CSMD3: variants seen among roughly 807,000 people sequenced by gnomAD.
CSMD3 encodes CUB and Sushi multiple domains 3, also known as CUB and sushi domain-containing protein 3.
CSMD3 carries 177 observed loss-of-function variants against 435.2 expected under a neutral mutation model. The observed-to-expected ratio is 0.41, with a 90% CI of 0.36 to 0.46. CSMD3 has a LOEUF of 0.46. Among genes scored for constraint, CSMD3 ranks in the 20% least tolerant of loss-of-function variants. The pLI is 0.34. For missense variants in CSMD3, 4,265 were observed against 4,504.6 expected (o/e 0.95, Z 1.52); for synonymous variants, 1,656 against 1,520.5 (o/e 1.09, Z -2.07).
At chr8:113,013,340 A>C (rs1454601160) in intron 6 of CSMD3, among the ~76,000 whole-genome samples, 2 of 152,060 alleles carry the variant, frequency 1.3e-5, no homozygotes, top group Non-Finnish European at 2.9e-5. Context: ...ACAATATTTA[A>C]ACTATTCATT....
rs138410355 is a variant in CSMD3, at chr8:112,585,510, A to G, written c.3885+1556T>C. ...CTTCTCAAGGTAGCACATATCAGAA[A>G]TGCATGTGGCTTTACTCCAAATAAG... On this transcript the variant is annotated intron_variant, in intron 23 of 70. Coordinates refer to ENST00000297405, the MANE Select transcript of CSMD3 (RefSeq NM_198123.2). Among the ~76,000 whole-genome samples the G allele has an allele frequency of 6.5e-3, 982 of 151,696 alleles. 9 individuals are homozygous for G. Among genetic ancestry groups the G allele is most frequent in the African/African-American group, 0.021 (887 of 41,500 alleles).
At chr8:112,589,239 T>C (rs1830975385) in intron 22 of CSMD3, among the ~76,000 whole-genome samples, 1 of 152,134 alleles carries the variant, frequency 6.6e-6, no homozygotes, top group South Asian at 2.1e-4. Flanking sequence ...AGCTATTACC[T>C]ACCCTTCTCT....
At chr8:113,083,396 G>A (rs1484043324) in intron 5 of CSMD3, among the ~76,000 whole-genome samples, 2 of 151,910 alleles carry the variant, frequency 1.3e-5, no homozygotes, top group East Asian at 3.9e-4. Context: ...GCAAAGCTAG[G>A]TAGCTTAAGT....
At chr8:112,245,512 A>C (rs991710717) in intron 64 of CSMD3, among the ~76,000 whole-genome samples, 2 of 152,072 alleles carry the variant, frequency 1.3e-5, no homozygotes, top group South Asian at 4.1e-4. Flanking sequence ...CGTGTGCTAA[A>C]CATTGTGTTA....
intron 2 of CSMD3, among the ~76,000 whole-genome samples, chr8:113,292,643 C>T (rs1473278561): frequency 6.6e-6 from 1 of 151,692 alleles, no homozygotes; most frequent in Non-Finnish European, 1.5e-5. Flanking sequence ...GTGAATGAGA[C>T]AAAAATGTAA....
chr8:112,807,741 T>A (rs1563980760), intron 12 of CSMD3, among the ~76,000 whole-genome samples: 1 of 152,180 alleles, frequency 6.6e-6, no homozygotes. Context: ...ACTATTTTGC[T>A]GACAGAGCTG....
chr8:113,024,252 T>C (rs1170197329), intron 5 of CSMD3, among the ~76,000 whole-genome samples: 1 of 152,148 alleles, frequency 6.6e-6, no homozygotes, highest in East Asian at 1.9e-4. Flanking sequence ...ACAAAATTTG[T>C]TTCTTTCTTA....
chr8:112,719,381 C>T (rs1261475142), intron 13 of CSMD3, among the ~76,000 whole-genome samples: 1 of 152,060 alleles, frequency 6.6e-6, no homozygotes, highest in Non-Finnish European at 1.5e-5. Context: ...ACCAAAATAC[C>T]CAGTGGCTTA....
chr8:112,350,917 T>G (rs987793653), intron 40 of CSMD3, among the ~76,000 whole-genome samples: 1 of 151,994 alleles, frequency 6.6e-6, no homozygotes, highest in East Asian at 1.9e-4. Context: ...TTTTCTTAAT[T>G]TCTACAGCTT....
chr8:113,153,937 C>A lies in CSMD3; in HGVS notation c.709+19785G>T, dbSNP rs560288119. ...TGGTATGAGAAGAAAAAAAACCCAT[C>A]CAGTGCATGAGTCAGTTATCACACT... On this transcript the variant is annotated intron_variant, in intron 4 of 70. Coordinates refer to ENST00000297405, the MANE Select transcript of CSMD3 (RefSeq NM_198123.2). Among the ~76,000 whole-genome samples, 49 of 152,042 alleles carry A rather than the reference C, an allele frequency of 3.2e-4. 1 individual carries two copies. Among genetic ancestry groups the A allele is most frequent in the Non-Finnish European group, 5.9e-5 (4 of 67,930 alleles).
At chr8:112,799,446 T>C (rs1022609102) in intron 13 of CSMD3, among the ~76,000 whole-genome samples, 8 of 152,104 alleles carry the variant, frequency 5.3e-5, no homozygotes, top group Admixed American at 2.6e-4. Context: ...TGATCTCTTG[T>C]ATATTTTTGT....
At chr8:112,469,102 T>G (rs572359029) in intron 32 of CSMD3, among the ~76,000 whole-genome samples, 132 of 150,500 alleles carry the variant, frequency 8.8e-4, no homozygotes, top group African/African-American at 3.1e-3. Flanking sequence ...GTAATTGTGG[T>G]TTTTGCCATT....
intron 41 of CSMD3, among the ~76,000 whole-genome samples, chr8:112,343,924 C>T (rs1465444588): frequency 2.0e-5 from 3 of 151,876 alleles, no homozygotes; most frequent in Non-Finnish European, 4.4e-5. Flanking sequence ...GCTCTGTTGC[C>T]CAGGCTGGAG....
rs78499102 is a variant in CSMD3, at chr8:113,378,355, T to C, written c.178+58322A>G. ...AATATACGATAATGAAACAAACTTATGCAAATGGTGAACCAAACTGACATT... is the reference window on the plus strand; with the variant it reads ...AATATACGATAATGAAACAAACTTACGCAAATGGTGAACCAAACTGACATT... On this transcript the variant is annotated intron_variant, in intron 1 of 70. Transcript: ENST00000297405. Among the ~76,000 whole-genome samples the C allele has an allele frequency of 4.8e-3, 731 of 152,290 alleles. 12 individuals are homozygous for C. Among genetic ancestry groups the C allele is most frequent in the African/African-American group, 0.017 (704 of 41,562 alleles).
chr8:113,112,785 G>A (rs1163009581), intron 4 of CSMD3, among the ~76,000 whole-genome samples: 1 of 152,072 alleles, frequency 6.6e-6, no homozygotes, highest in African/African-American at 2.4e-5. Context: ...AGGTAAACCA[G>A]CTGGGATTTT....
rs752270152 is a variant in CSMD3, at chr8:112,947,894, A to C, written c.1421-17T>G. On this transcript the variant is annotated splice_polypyrimidine_tract_variant and intron_variant, in intron 8 of 70. Transcript: ENST00000297405. The stretch of plus-strand genomic sequence containing the variant: ...CCTCATTTACTGCAACAGCAGGGAA[A>C]AAAGAAAAAAGAAACAAAATATATG... The C allele has an allele frequency of 7.8e-6, 8 of 1,019,764 alleles. No homozygotes were observed. Among genetic ancestry groups the C allele is most frequent in the Non-Finnish European group, 1.2e-5 (8 of 642,432 alleles). The allele number at this position is 1,019,764 out of a possible 1,614,324, so 63.2% of individuals were successfully genotyped here. A position where few individuals can be genotyped will look rare whatever the true frequency, so the allele number is the denominator to read the frequency against.
At chr8:112,721,800 A>G (rs910314905) in intron 13 of CSMD3, among the ~76,000 whole-genome samples, 4 of 152,164 alleles carry the variant, frequency 2.6e-5, no homozygotes, top group Non-Finnish European at 4.4e-5. Flanking sequence ...CCTCCCAAAT[A>G]TCATCAGAAG....
At chr8:112,618,630 C>T (rs1028300746) in intron 22 of CSMD3, among the ~76,000 whole-genome samples, 1 of 151,580 alleles carries the variant, frequency 6.6e-6, no homozygotes, top group African/African-American at 2.4e-5. Context: ...ATCAGACCAT[C>T]ATGGAGTATA....
chr8:113,047,877 C>T (rs770105603), intron 5 of CSMD3, among the ~76,000 whole-genome samples: 11 of 152,008 alleles, frequency 7.2e-5, no homozygotes, highest in Non-Finnish European at 1.5e-4. Context: ...TTAAAGAATC[C>T]GTAACTAACA....
Sources: allele counts gnomAD v4.1 joint callset (sites outside exome capture counted in the v4.1 genomes callset), GRCh38; gene constraint gnomAD v4.1.1; transcripts MANE v1.5; gene names NCBI Gene and HGNC (gene_info 2026-07-23, HGNC 2026-07-21).